LPAR3: variants seen among roughly 807,000 people sequenced by gnomAD.
LPAR3 encodes lysophosphatidic acid receptor 3.
A neutral mutation model predicts 17.8 loss-of-function variants in LPAR3; 7 were observed. The ratio of observed to expected loss-of-function variants is 0.39; its 90% confidence interval spans 0.22 to 0.74. LPAR3 has a LOEUF of 0.74. Among genes scored for constraint, LPAR3 ranks in the 30% least tolerant of loss-of-function variants. The pLI is 0.40. For synonymous variants in LPAR3, 179 were observed against 179.9 expected (o/e 0.99, Z 0.04); for missense variants, 391 against 453.4 (o/e 0.86, Z 1.25).
intron 2 of LPAR3, among the ~76,000 whole-genome samples, chr1:84,836,338 T>TTA (rs1659404091): frequency 7.7e-6 from 1 of 129,086 alleles, no homozygotes; most frequent in Admixed American, 8.2e-5. Flanking sequence ...ATCCTGTCTT[T>TTA]AAAAAAAAAA....
chr1:84,874,199 G>A (rs1220697021), intron 1 of LPAR3, among the ~76,000 whole-genome samples: 1 of 152,130 alleles, frequency 6.6e-6, no homozygotes, highest in East Asian at 1.9e-4. Flanking sequence ...GGGTGTGCTT[G>A]GGAAAATACT....
At chr1:84,882,555 C>T (rs920389677) in intron 1 of LPAR3, among the ~76,000 whole-genome samples, 1 of 152,134 alleles carries the variant, frequency 6.6e-6, no homozygotes, top group African/African-American at 2.4e-5. Context: ...AAGAACAAAG[C>T]TGGAGGCCTC....
At chr1:84,840,374 TATC>T (rs1305622437) in intron 2 of LPAR3, among the ~76,000 whole-genome samples, 1 of 152,244 alleles carries the variant, frequency 6.6e-6, no homozygotes, top group African/African-American at 2.4e-5. Flanking sequence ...TAGAATTAAA[TATC>T]ATCACCCCAA....
chr1:84,820,105 A>C (rs920695783), intron 2 of LPAR3, among the ~76,000 whole-genome samples: 2 of 152,212 alleles, frequency 1.3e-5, no homozygotes, highest in Non-Finnish European at 2.9e-5. Flanking sequence ...TTTGAAGTTT[A>C]GAGTAGCTCA....
At position 84,843,258 on chromosome 1, in the gene LPAR3, C is replaced by T. The variant is rs141643184; in HGVS notation, c.736+22127G>A. On this transcript the variant is annotated intron_variant, in intron 2 of 2. Transcript: ENST00000370611. The stretch of plus-strand genomic sequence containing the variant: ...CCACACAGCTATGCCTCATCTCCTG[C>T]TCTCAGGCCAATACTGGAATCCTGA... Among the ~76,000 whole-genome samples the T allele has an allele frequency of 9.9e-4, 151 of 152,374 alleles. 3 individuals carry two copies. In the East Asian group the frequency reaches 0.026, roughly 27 times the overall value.
rs1187756554 is a variant in LPAR3 at position 84,879,316 on chromosome 1, C to CTTTTTTTTTTTT, written c.-18-13190_-18-13179dup. On this transcript the variant is annotated intron_variant, in intron 1 of 2. Transcript: ENST00000370611. ...TTTTCTTTCTTTTCTTTTCTTTTTT[C>CTTTTTTTTTTTT]TTTTTTTTTTTTTGAGATGGAATCT... is the stretch of plus-strand genomic sequence containing the variant. 4.1e-4 allele frequency among the ~76,000 whole-genome samples: 49 copies of CTTTTTTTTTTTT among 120,614 alleles called. 1 individual carries two copies. The highest frequency in any genetic ancestry group is 1.3e-3 in the African/African-American group (36 of 28,662). 79.1% of individuals were successfully genotyped at this position (120,614 alleles called of 152,430 possible). A position where few individuals can be genotyped will look rare whatever the true frequency, so the allele number is the denominator to read the frequency against.
intron 1 of LPAR3, among the ~76,000 whole-genome samples, chr1:84,871,123 T>G (rs1660151672): frequency 1.4e-5 from 2 of 141,844 alleles, no homozygotes; most frequent in Non-Finnish European, 3.3e-5. Context: ...CAAGCTGTTT[T>G]TTGTTTGTTT....
At chr1:84,885,238 T>G (rs905182251) in intron 1 of LPAR3, among the ~76,000 whole-genome samples, 5 of 152,138 alleles carry the variant, frequency 3.3e-5, no homozygotes, top group African/African-American at 7.2e-5. Flanking sequence ...ATGTCAGTGG[T>G]GCTAAGGTTG....
intron 1 of LPAR3, among the ~76,000 whole-genome samples, chr1:84,892,665 T>C (rs1570914383): frequency 6.6e-6 from 1 of 152,222 alleles, no homozygotes; most frequent in Non-Finnish European, 1.5e-5. Flanking sequence ...AGACTGAGTT[T>C]GGAAAGAACC....
intron 2 of LPAR3, among the ~76,000 whole-genome samples, chr1:84,823,452 AGAT>A (rs772456212): frequency 2.0e-5 from 3 of 152,214 alleles, no homozygotes; most frequent in Non-Finnish European, 4.4e-5. Flanking sequence ...TGCTTCAAAT[AGAT>A]GATGAGCAGT....
chr1:84,837,641 C>T (rs912991144), intron 2 of LPAR3, among the ~76,000 whole-genome samples: 18 of 152,068 alleles, frequency 1.2e-4, no homozygotes, highest in African/African-American at 3.9e-4. Flanking sequence ...AAATAATATT[C>T]GTAAGTTTGT....
chr1:84,849,307 A>C (rs1397937492), intron 2 of LPAR3, among the ~76,000 whole-genome samples: 2 of 144,232 alleles, frequency 1.4e-5, no homozygotes, highest in Non-Finnish European at 1.5e-5. Flanking sequence ...CCTGGGAGGC[A>C]GAGGTTGCAG....
intron 2 of LPAR3, among the ~76,000 whole-genome samples, chr1:84,861,538 G>A (rs927401875): frequency 6.6e-6 from 1 of 152,204 alleles, no homozygotes; most frequent in Non-Finnish European, 1.5e-5. Context: ...GCCACCTGAT[G>A]AGGGAATCTA....
At chr1:84,832,762 T>G (rs568496941) in intron 2 of LPAR3, among the ~76,000 whole-genome samples, 2 of 152,314 alleles carry the variant, frequency 1.3e-5, no homozygotes, top group African/African-American at 4.8e-5. Flanking sequence ...CAGCTAGGGG[T>G]TCTCCTCTAA....
intron 2 of LPAR3, among the ~76,000 whole-genome samples, chr1:84,848,574 A>C (rs1659636492): frequency 6.6e-6 from 1 of 152,226 alleles, no homozygotes; most frequent in Non-Finnish European, 1.5e-5. Flanking sequence ...AAGTTGGAAC[A>C]AATGAAGAAG....
intron 1 of LPAR3, among the ~76,000 whole-genome samples, chr1:84,889,541 C>A (rs79789343): frequency 6.6e-6 from 1 of 152,184 alleles, no homozygotes; most frequent in Non-Finnish European, 1.5e-5. Context: ...TGGAACTTTG[C>A]CCTATGCCTT....
At chr1:84,892,263 ACT>A (rs1660567208) in intron 1 of LPAR3, among the ~76,000 whole-genome samples, 1 of 107,462 alleles carries the variant, frequency 9.3e-6, no homozygotes, top group Admixed American at 8.3e-5. Context: ...ATAAATAAAA[ACT>A]AACCTACAAA....
Position 84,865,682 on chromosome 1 carries a change from G to C in LPAR3, c.439C>G (p.Leu147Val), listed in dbSNP as rs755676643. ...HSNLTKKRVT[L>V]LILLVWAIAI... ...ATGGCCCAGACAAGCAAAATGAGCA[G>C]TGTCACCCTCTTTTTGGTCAGGTTG... Residue 147 changes from leucine to valine, a missense_variant, in exon 2 of 3, where the codon CTG (leucine) becomes GTG (valine). Coordinates refer to ENST00000370611, the MANE Select transcript of LPAR3 (RefSeq NM_012152.3). 3.1e-6 allele frequency: 5 copies of C among 1,614,206 alleles called. No individual in the cohort carries two copies. Among genetic ancestry groups the C allele is most frequent in the Non-Finnish European group, 4.2e-6 (5 of 1,180,046 alleles).
intron 2 of LPAR3, among the ~76,000 whole-genome samples, chr1:84,820,740 G>A (rs74804581): frequency 0.073 from 11,172 of 152,146 alleles, 530 homozygotes; most frequent in Middle Eastern, 0.16. Context: ...TGTATGTAAT[G>A]AACTAACTTC....
Sources: gnomAD v4.1 joint callset for allele counts (sites outside exome capture counted in the v4.1 genomes callset) on GRCh38, gnomAD v4.1.1 for gene constraint, MANE v1.5 for transcripts, NCBI Gene and HGNC (gene_info 2026-07-23, HGNC 2026-07-21) for gene names.